SOX6: variants seen among roughly 807,000 people sequenced by gnomAD.
SOX6 encodes SRY-box transcription factor 6, also known as transcription factor SOX-6.
SOX6 carries 11 observed loss-of-function variants against 97.8 expected under a neutral mutation model. That is an observed-to-expected ratio of 0.11 (90% confidence interval 0.07 to 0.19). The LOEUF (loss-of-function observed/expected upper bound fraction) is 0.19. Ranked by LOEUF, SOX6 falls within the 10% of genes least tolerant of loss-of-function variation. The pLI is 1.00. For synonymous variants in SOX6, 360 were observed against 371.4 expected (o/e 0.97, Z 0.35); for missense variants, 810 against 1,039.5 (o/e 0.78, Z 3.04).
At chr11:16,281,964 C>T (rs2134243829) in intron 3 of SOX6, among the ~76,000 whole-genome samples, 1 of 124,714 alleles carries the variant, frequency 8.0e-6, no homozygotes, top group East Asian at 2.3e-4. Context: ...TATATAAAAT[C>T]ACATATATAT....
chr11:16,237,159 A>G (rs1344728758), intron 3 of SOX6, among the ~76,000 whole-genome samples: 1 of 152,008 alleles, frequency 6.6e-6, no homozygotes, highest in Non-Finnish European at 1.5e-5. Context: ...ACCTGTAAGA[A>G]AGTCTCTTGA....
chr11:16,223,190 T>A (rs1852593110), intron 4 of SOX6, among the ~76,000 whole-genome samples: 1 of 152,068 alleles, frequency 6.6e-6, no homozygotes, highest in Admixed American at 6.6e-5. Context: ...AACCAACCAA[T>A]CATTCAGGTA....
chr11:16,669,709 C>A (rs1299801608), intron 3 of SOX6, among the ~76,000 whole-genome samples: 1 of 152,152 alleles, frequency 6.6e-6, no homozygotes, highest in Non-Finnish European at 1.5e-5. Context: ...CTCATCCCAA[C>A]CCCCAGCACA....
intron 4 of SOX6, among the ~76,000 whole-genome samples, chr11:16,603,397 A>T (rs2133978557): frequency 6.6e-6 from 1 of 152,316 alleles, no homozygotes; most frequent in South Asian, 2.1e-4. Flanking sequence ...AGAGTAAGAT[A>T]GGGAAAGACA....
Position 16,595,335 on chromosome 11 carries a change from G to A in SOX6, n.609+16746C>T, listed in dbSNP as rs143556444. Among the ~76,000 whole-genome samples the A allele has an allele frequency of 7.7e-3, 1,166 of 152,080 alleles. 13 individuals carry two copies. Among genetic ancestry groups the A allele is most frequent in the Middle Eastern group, 0.024 (7 of 294 alleles). On this transcript the variant is annotated intron_variant and non_coding_transcript_variant, in intron 4 of 5. Transcript: ENST00000524520. Reference sequence around the variant, plus strand: ...TCTCTTTTCAGAAAGTGATTATGTCGCAGTCATATAAGCTGCAAAACTCAG... The same window carrying A: ...TCTCTTTTCAGAAAGTGATTATGTCACAGTCATATAAGCTGCAAAACTCAG...
At chr11:16,387,957 T>C (rs767847010) in intron 1 of SOX6, among the ~76,000 whole-genome samples, 2 of 152,148 alleles carry the variant, frequency 1.3e-5, no homozygotes, top group Non-Finnish European at 2.9e-5. Flanking sequence ...CTCATTCTAA[T>C]GGTTGGACCT....
intron 4 of SOX6, among the ~76,000 whole-genome samples, chr11:16,562,531 T>C (rs540147785): frequency 6.6e-6 from 1 of 152,242 alleles, no homozygotes; most frequent in East Asian, 1.9e-4. Context: ...AAAAATACTA[T>C]GGCTCCACCC....
At chr11:16,035,786 A>G (rs904322566) in intron 12 of SOX6, among the ~76,000 whole-genome samples, 11 of 152,168 alleles carry the variant, frequency 7.2e-5, no homozygotes, top group African/African-American at 1.9e-4. Flanking sequence ...ACTTATCTCT[A>G]TTAGCAAGGA....
chr11:16,285,225 T>C (rs1003840527), intron 3 of SOX6, among the ~76,000 whole-genome samples: 2 of 152,136 alleles, frequency 1.3e-5, no homozygotes, highest in Admixed American at 1.3e-4. Flanking sequence ...ATTAAACTGA[T>C]AGAATAATTG....
At chr11:16,005,967 T>TA (rs111577733) in intron 13 of SOX6, among the ~76,000 whole-genome samples, 258 of 150,896 alleles carry the variant, frequency 1.7e-3, no homozygotes, top group African/African-American at 6.0e-3. Context: ...CAAAAACAAT[T>TA]AAAAAAAAAC....
intron 4 of SOX6, among the ~76,000 whole-genome samples, chr11:16,566,179 T>G (rs764765727): frequency 6.6e-6 from 1 of 151,302 alleles, no homozygotes; most frequent in Non-Finnish European, 1.5e-5. Flanking sequence ...AACGAGATCC[T>G]GGGAATAAAA....
chr11:16,485,712 T>C (rs543509352), intron 4 of SOX6, among the ~76,000 whole-genome samples: 15 of 140,942 alleles, frequency 1.1e-4, no homozygotes, highest in Non-Finnish European at 2.0e-4. Flanking sequence ...GCCTGGGTGA[T>C]AGGGCAAGGC....
chr11:16,043,667 G>T (rs1201842886), intron 12 of SOX6, among the ~76,000 whole-genome samples: 2 of 152,140 alleles, frequency 1.3e-5, no homozygotes, highest in Non-Finnish European at 2.9e-5. Flanking sequence ...TACAAAGACT[G>T]TCTTGTACAC....
intron 4 of SOX6, among the ~76,000 whole-genome samples, chr11:16,572,691 G>T (rs1433308047): frequency 1.3e-5 from 2 of 152,156 alleles, no homozygotes; most frequent in Non-Finnish European, 2.9e-5. Flanking sequence ...CAAACAGGAA[G>T]TCAGGCCATT....
intron 3 of SOX6, among the ~76,000 whole-genome samples, chr11:16,263,391 T>C (rs915134654): frequency 1.3e-5 from 2 of 151,990 alleles, no homozygotes; most frequent in Non-Finnish European, 2.9e-5. Context: ...TTATTATAGC[T>C]TCAATTTGTA....
At chr11:16,326,967 C>G (rs962850222) in intron 2 of SOX6, among the ~76,000 whole-genome samples, 13 of 152,188 alleles carry the variant, frequency 8.5e-5, no homozygotes, top group African/African-American at 2.9e-4. Flanking sequence ...CATGACCTTT[C>G]TGCATGGTCT....
At chr11:16,142,670 G>A (rs1236953117) in intron 6 of SOX6, among the ~76,000 whole-genome samples, 1 of 152,118 alleles carries the variant, frequency 6.6e-6, no homozygotes, top group Non-Finnish European at 1.5e-5. Flanking sequence ...ACCTGAGGGA[G>A]CTGAAACCAT....
chr11:16,500,688 A>G (rs1180908139), intron 4 of SOX6, among the ~76,000 whole-genome samples: 2 of 152,214 alleles, frequency 1.3e-5, no homozygotes, highest in Admixed American at 6.5e-5. Context: ...GAGCCAAACC[A>G]TGAGTGAACT....
chr11:16,479,117 C>G (rs555359585), upstream of SOX6, among the ~76,000 whole-genome samples: 109 of 152,294 alleles, frequency 7.2e-4, no homozygotes, highest in African/African-American at 2.5e-3. Flanking sequence ...ACCTGGGTCA[C>G]AGTCTATTAC....
Sources: allele counts gnomAD v4.1 joint callset (sites outside exome capture counted in the v4.1 genomes callset), GRCh38; gene constraint gnomAD v4.1.1; transcripts MANE v1.5; gene names NCBI Gene and HGNC (gene_info 2026-07-23, HGNC 2026-07-21).